FAM114A1: variants seen among roughly 807,000 people sequenced by gnomAD.
FAM114A1 encodes the protein family with sequence similarity 114 member A1, also known as protein NOXP20.
Under a neutral mutation model 64.3 loss-of-function variants are expected in FAM114A1, and 62 were observed. The observed-to-expected ratio is 0.96, with a 90% CI of 0.79 to 1.19. The LOEUF is 1.19. FAM114A1 is among the 50% of genes most tolerant of loss of function. FAM114A1 has a pLI of 0.00. For missense variants in FAM114A1, 645 were observed against 676.3 expected (o/e 0.95, Z 0.51); for synonymous variants, 254 against 251.1 (o/e 1.01, Z -0.11).
Position 38,943,724 on chromosome 4 carries a change from A to T in FAM114A1, c.*167A>T. The T allele has an allele frequency of 1.9e-6, 1 of 519,710 alleles. No homozygotes were observed. Among genetic ancestry groups the T allele is most frequent in the Non-Finnish European group, 3.5e-6 (1 of 284,630 alleles). The allele number at this position is 519,710 out of a possible 1,614,324, so 32.2% of individuals were successfully genotyped here. A position where few individuals can be genotyped will look rare whatever the true frequency, so the allele number is the denominator to read the frequency against. Reference sequence around the variant, plus strand: ...GAATGCAAATTTAGAGAGAGTTATCATTTCTCTCAATGTGTATAATTGTTT... The same window carrying T: ...GAATGCAAATTTAGAGAGAGTTATCTTTTCTCTCAATGTGTATAATTGTTT... On this transcript the variant is annotated 3_prime_UTR_variant, in exon 15 of 15. Coordinates refer to ENST00000358869, the MANE Select transcript of FAM114A1 (RefSeq NM_138389.4).
rs570762746 is a variant in FAM114A1, at chr4:38,888,787, C to T, written c.349-2956C>T. ...AGTTATGGGGGAAGGGTGAGAAAAA[C>T]GTCTTTAAATCCCTCTATTGGTAAT... On this transcript the variant is annotated intron_variant, in intron 3 of 14. Coordinates refer to ENST00000358869, the MANE Select transcript of FAM114A1 (RefSeq NM_138389.4). 1.2e-4 allele frequency among the ~76,000 whole-genome samples: 18 copies of T among 152,252 alleles called. No homozygotes were observed. The South Asian group carries it at 1.5e-3, about 12-fold the overall frequency.
chr4:38,931,421 A>C, intron 10 of FAM114A1, 30 bp from the exon 11 acceptor site: 1 of 1,575,244 alleles, frequency 6.3e-7, no homozygotes. Flanking sequence ...TTGCGCCATA[A>C]AAGGATTGTT....
intron 4 of FAM114A1, among the ~76,000 whole-genome samples, chr4:38,899,228 C>T (rs1429191183): frequency 6.6e-6 from 1 of 151,992 alleles, no homozygotes; most frequent in Non-Finnish European, 1.5e-5. Context: ...CAAAACTAAG[C>T]CAAGGGAGAA....
intron 4 of FAM114A1, among the ~76,000 whole-genome samples, chr4:38,895,571 C>A (rs1446887787): frequency 6.6e-6 from 1 of 152,194 alleles, no homozygotes; most frequent in African/African-American, 2.4e-5. Flanking sequence ...CACTCCGGCT[C>A]ACACTCCAAA....
At chr4:38,887,573 TA>T (rs2109589208) in intron 3 of FAM114A1, among the ~76,000 whole-genome samples, 1 of 152,350 alleles carries the variant, frequency 6.6e-6, no homozygotes, top group South Asian at 2.1e-4. Flanking sequence ...ATCAGAAGTC[TA>T]ATAATTCAAT....
intron 8 of FAM114A1, among the ~76,000 whole-genome samples, chr4:38,919,046 G>A (rs187447322): frequency 5.3e-5 from 8 of 152,190 alleles, no homozygotes; most frequent in Non-Finnish European, 8.8e-5. Flanking sequence ...TCAGCTACTC[G>A]GGAGGCTGAG....
At chr4:38,880,748 A>C (rs937528415) in intron 3 of FAM114A1, among the ~76,000 whole-genome samples, 3 of 152,254 alleles carry the variant, frequency 2.0e-5, no homozygotes, top group Non-Finnish European at 4.4e-5. Context: ...TGGTACAGTA[A>C]GAAAAATATA....
At chr4:38,942,086 GACTT>G (rs368246523) in intron 14 of FAM114A1, among the ~76,000 whole-genome samples, 137 of 152,244 alleles carry the variant, frequency 9.0e-4, no homozygotes, top group African/African-American at 3.2e-3. Flanking sequence ...GATCTCATGA[GACTT>G]ACTCACTATT....
At chr4:38,937,059 T>C (rs1460950360) in intron 13 of FAM114A1, among the ~76,000 whole-genome samples, 1 of 152,230 alleles carries the variant, frequency 6.6e-6, no homozygotes, top group Admixed American at 6.5e-5. Context: ...GTGGAAAATA[T>C]TCCCTTTCAC....
intron 7 of FAM114A1, among the ~76,000 whole-genome samples, chr4:38,910,079 A>C (rs910531053): frequency 1.0e-4 from 15 of 147,100 alleles, no homozygotes; most frequent in Non-Finnish European, 1.5e-4. Flanking sequence ...CTAAAAATAC[A>C]AAAAAAAAAA....
chr4:38,930,525 T>C (rs1720544292), intron 10 of FAM114A1, among the ~76,000 whole-genome samples: 1 of 152,174 alleles, frequency 6.6e-6, no homozygotes, highest in African/African-American at 2.4e-5. Flanking sequence ...TCCACTGGCT[T>C]ATTTGCTTAG....
chr4:38,905,798 C>T lies in FAM114A1; in HGVS notation c.594C>T (p.Pro198=). The T allele has an allele frequency of 6.2e-7, 1 of 1,614,078 alleles. No individual in the cohort carries two copies. The highest frequency in any genetic ancestry group is 2.2e-5 in the East Asian group (1 of 44,884). The stretch of plus-strand genomic sequence containing the variant: ...ATCAGGGCCCTGCAGAAAGCCCACC[C>T]ACTTCCCCTTCATCAGCCTCTCGGG... ...ATDQGPAESP[P]TSPSSASRGM... is the part of the protein sequence containing the mutation. The change falls in exon 6 of 15, where the codon CCC becomes CCT. Residue 198 remains proline (P), a synonymous_variant. Transcript: ENST00000358869.
intron 2 of FAM114A1, among the ~76,000 whole-genome samples, chr4:38,875,930 AAG>A (rs1272870634): frequency 6.6e-6 from 1 of 152,146 alleles, no homozygotes; most frequent in Non-Finnish European, 1.5e-5. Context: ...TAAGCTTTAA[AAG>A]AGTTTTCTGC....
At chr4:38,867,996 C>G in intron 1 of FAM114A1, 162 bp downstream of exon 1, 1 of 392,064 alleles carries the variant, frequency 2.6e-6, no homozygotes, top group Non-Finnish European at 5.1e-6. Flanking sequence ...AGGGAGGACC[C>G]GGCTCTGGGG....
At chr4:38,892,196 C>T (rs1716480432) in intron 4 of FAM114A1, among the ~76,000 whole-genome samples, 1 of 152,022 alleles carries the variant, frequency 6.6e-6, no homozygotes, top group Non-Finnish European at 1.5e-5. Context: ...GTTTATCGTC[C>T]CACTTGAATT....
chr4:38,896,976 C>T (rs1401047172), intron 4 of FAM114A1, among the ~76,000 whole-genome samples: 2 of 152,128 alleles, frequency 1.3e-5, no homozygotes, highest in Admixed American at 1.3e-4. Flanking sequence ...ACAGAGCTGT[C>T]AATTGAGCAC....
chr4:38,912,756 T>A (rs1187292189), intron 7 of FAM114A1, among the ~76,000 whole-genome samples: 1 of 152,198 alleles, frequency 6.6e-6, no homozygotes, highest in Non-Finnish European at 1.5e-5. Context: ...CATCCCTTCT[T>A]TTTTCTCTCC....
chr4:38,933,012 T>C (rs946123465), intron 12 of FAM114A1, among the ~76,000 whole-genome samples: 13 of 151,872 alleles, frequency 8.6e-5, no homozygotes, highest in African/African-American at 2.9e-4. Flanking sequence ...CACCACCACA[T>C]CCAGCTAATT....
chr4:38,926,036 G>A lies in FAM114A1; in HGVS notation c.1069+3143G>A, dbSNP rs534320226. ...TTTGTATCAGTGTAGCACATAATTT[G>A]TTTACATAAAACTTTGTGTTTACAA... is the stretch of plus-strand genomic sequence containing the variant. On this transcript the variant is annotated intron_variant, in intron 9 of 14. Coordinates refer to ENST00000358869, the MANE Select transcript of FAM114A1 (RefSeq NM_138389.4). Among the ~76,000 whole-genome samples, 10 of 152,252 alleles carry A rather than the reference G, an allele frequency of 6.6e-5. No homozygotes were observed. The East Asian group carries it at 1.7e-3, about 26-fold the overall frequency.
Sources: gnomAD v4.1 joint callset for allele counts (sites outside exome capture counted in the v4.1 genomes callset) on GRCh38, gnomAD v4.1.1 for gene constraint, MANE v1.5 for transcripts, NCBI Gene and HGNC (gene_info 2026-07-23, HGNC 2026-07-21) for gene names.